The following NT5DC1 variants were observed in gnomAD, a reference collection of about 807,000 sequenced individuals.
NT5DC1 encodes the protein 5'-nucleotidase domain containing 1.
NT5DC1 carries 42 observed loss-of-function variants against 59.4 expected under a neutral mutation model. That is an observed-to-expected ratio of 0.71 (90% confidence interval 0.55 to 0.92). NT5DC1 has a LOEUF of 0.92. Among genes scored for constraint, NT5DC1 ranks in the 40% least tolerant of loss-of-function variants. The probability of loss-of-function intolerance (pLI) is 0.00; values close to 1 mark genes in which losing one functional copy is unlikely to be tolerated. For missense variants in NT5DC1, 501 were observed against 537.1 expected, an observed-to-expected ratio of 0.93 and a Z score of 0.66; for synonymous variants, 172 against 188.1, an observed-to-expected ratio of 0.91 and a Z score of 0.70.
At chr6:116,107,617 G>T (rs1778790309) in intron 2 of NT5DC1, among the ~76,000 whole-genome samples, 2 of 150,528 alleles carry the variant, frequency 1.3e-5, no homozygotes, top group Admixed American at 6.6e-5. Flanking sequence ...CTGTCGCCCA[G>T]GCTGGAGTGC....
intron 6 of NT5DC1, among the ~76,000 whole-genome samples, chr6:116,194,235 CAT>C (rs1781180804): frequency 6.6e-6 from 1 of 152,034 alleles, no homozygotes; most frequent in Non-Finnish European, 1.5e-5. Flanking sequence ...ATTCTAGTAA[CAT>C]GTTCTTTCAA....
At chr6:116,184,620 G>A (rs929289865) in intron 6 of NT5DC1, among the ~76,000 whole-genome samples, 2 of 152,002 alleles carry the variant, frequency 1.3e-5, no homozygotes, top group African/African-American at 2.4e-5. Flanking sequence ...TAGGAGGGTT[G>A]TATATTTCCA....
rs1325219920 is a variant in NT5DC1, at chr6:116,244,585, T to C, written c.*561T>C. On this transcript the variant is annotated 3_prime_UTR_variant, in exon 12 of 12. Coordinates refer to ENST00000319550, the MANE Select transcript of NT5DC1 (RefSeq NM_152729.3). ...AGCGTTGTTATCTTTTGTTATCTTT[T>C]ATATGCCCTAGGAAAGTACAACCAG... The C allele has an allele frequency of 6.6e-6, 1 of 152,262 alleles. No individual in the cohort carries two copies. Among genetic ancestry groups the C allele is most frequent in the African/African-American group, 2.4e-5 (1 of 41,452 alleles). 9.4% of individuals were successfully genotyped at this position (152,262 alleles called of 1,614,324 possible).
At chr6:116,120,965 G>C in intron 6 of NT5DC1, 2 of 1,613,776 alleles carry the variant, frequency 1.2e-6, no homozygotes, top group South Asian at 2.2e-5. Flanking sequence ...TTTTCCATCT[G>C]ACCCAGGGGA....
intron 6 of NT5DC1, among the ~76,000 whole-genome samples, chr6:116,126,751 G>A (rs1313090048): frequency 6.6e-6 from 1 of 151,950 alleles, no homozygotes; most frequent in East Asian, 1.9e-4. Context: ...AGTAGAGTTT[G>A]CAAAAACCCC....
chr6:116,139,677 CAT>C (rs1779714904), intron 6 of NT5DC1, among the ~76,000 whole-genome samples: 1 of 152,078 alleles, frequency 6.6e-6, no homozygotes, highest in Non-Finnish European at 1.5e-5. Context: ...GCAAATTACA[CAT>C]GTGGGTCATG....
chr6:116,125,304 C>A (rs1239682482), intron 6 of NT5DC1: 3 of 1,605,668 alleles, frequency 1.9e-6, no homozygotes, highest in South Asian at 1.1e-5. Flanking sequence ...CAACAAGCAA[C>A]TTGTTAATAG....
chr6:116,119,283 A>C lies in NT5DC1; in HGVS notation c.529+1338A>C, dbSNP rs190088189. The C allele has an allele frequency of 2.9e-3, 437 of 152,762 alleles. 3 individuals are homozygous for C. The highest frequency in any genetic ancestry group is 0.01 in the African/African-American group (425 of 41,588). The allele number at this position is 152,762 out of a possible 1,614,324, so 9.5% of individuals were successfully genotyped here. ...AAATCATATCACATAAGATTCAATA[A>C]GGAATTAAAGAAATCAAATTAATCA... On this transcript the variant is annotated intron_variant, in intron 6 of 11. Coordinates refer to ENST00000319550, the MANE Select transcript of NT5DC1 (RefSeq NM_152729.3).
chr6:116,125,254 A>T, intron 6 of NT5DC1: 1 of 1,475,258 alleles, frequency 6.8e-7, no homozygotes, highest in Non-Finnish European at 9.3e-7. Context: ...CACCAAAGTT[A>T]AATGCATTTT....
chr6:116,118,120 T>G (rs1366994379), intron 6 of NT5DC1, 175 bp downstream of exon 6: 1 of 643,144 alleles, frequency 1.6e-6, no homozygotes, highest in Admixed American at 2.5e-5. Context: ...TATTTGTGCT[T>G]CTTTCATGGC....
At chr6:116,123,726 A>G (rs1779206658) in intron 6 of NT5DC1, among the ~76,000 whole-genome samples, 2 of 152,234 alleles carry the variant, frequency 1.3e-5, no homozygotes, top group African/African-American at 4.8e-5. Flanking sequence ...TTGAGTGTCT[A>G]TCTAAAAAGA....
chr6:116,100,900 C>T lies in NT5DC1; in HGVS notation c.-31C>T, dbSNP rs745682252. ...GCCAGCTCCTTGCACCCTTCGCGGC[C>T]GAGGCGCTCCCTGGTGCTCCCCGCG... On this transcript the variant is annotated 5_prime_UTR_variant, in exon 1 of 12. Coordinates refer to ENST00000319550, the MANE Select transcript of NT5DC1 (RefSeq NM_152729.3). The T allele has an allele frequency of 3.8e-6, 6 of 1,562,564 alleles. No homozygotes were observed. The highest frequency in any genetic ancestry group is 2.3e-5 in the South Asian group (2 of 87,450).
chr6:116,135,270 T>G (rs1378420582), intron 6 of NT5DC1, among the ~76,000 whole-genome samples: 1 of 152,162 alleles, frequency 6.6e-6, no homozygotes, highest in Non-Finnish European at 1.5e-5. Flanking sequence ...ATAAATATTT[T>G]AGAACATTCA....
At chr6:116,162,455 T>C (rs537051352) in intron 6 of NT5DC1, among the ~76,000 whole-genome samples, 21 of 152,348 alleles carry the variant, frequency 1.4e-4, no homozygotes, top group Non-Finnish European at 2.6e-4. Flanking sequence ...GTTCCTTTAA[T>C]GCCTAGTTTA....
At chr6:116,232,247 C>T (rs934471048) in intron 8 of NT5DC1, among the ~76,000 whole-genome samples, 1 of 152,054 alleles carries the variant, frequency 6.6e-6, no homozygotes, top group African/African-American at 2.4e-5. Context: ...TTCTGATATA[C>T]TAGGGGTTAT....
chr6:116,233,219 A>G (rs984217608), intron 8 of NT5DC1, among the ~76,000 whole-genome samples: 3 of 152,208 alleles, frequency 2.0e-5, no homozygotes, highest in Non-Finnish European at 4.4e-5. Flanking sequence ...GGGACAGTGG[A>G]ATTTTAGGAA....
rs771415291 is a variant in NT5DC1 at position 116,244,068 on chromosome 6, TA to T, written c.*52del. 132 of 736,968 alleles carry T rather than the reference TA, an allele frequency of 1.8e-4. No homozygotes were observed. In the Admixed American group the frequency reaches 1.9e-3, roughly 10 times the overall value. 45.7% of individuals were successfully genotyped at this position (736,968 alleles called of 1,614,324 possible). ...TGAAGTGAAGACCCATATATGCAGT[TA>T]AAAAAAAGTTAATTTTCAAAAAATA... On this transcript the variant is annotated 3_prime_UTR_variant, in exon 12 of 12. Transcript: ENST00000319550.
At chr6:116,163,136 A>T (rs1199591274) in intron 6 of NT5DC1, among the ~76,000 whole-genome samples, 4 of 117,400 alleles carry the variant, frequency 3.4e-5, no homozygotes, top group Non-Finnish European at 7.0e-5. Flanking sequence ...CAAAAAAAAA[A>T]AAAAAATATA....
chr6:116,212,931 G>T (rs903591170), intron 6 of NT5DC1, among the ~76,000 whole-genome samples: 9 of 152,194 alleles, frequency 5.9e-5, no homozygotes, highest in African/African-American at 2.2e-4. Flanking sequence ...AAATTTATAT[G>T]CAGTAGAAAC....
Sources: gnomAD v4.1 joint callset for allele counts (sites outside exome capture counted in the v4.1 genomes callset) on GRCh38, gnomAD v4.1.1 for gene constraint, MANE v1.5 for transcripts, NCBI Gene and HGNC (gene_info 2026-07-23, HGNC 2026-07-21) for gene names.